CBFB: variants seen among roughly 807,000 people sequenced by gnomAD.
CBFB encodes CBF-beta.
Under a neutral mutation model 30.4 loss-of-function variants are expected in CBFB, and 9 were observed. The observed-to-expected ratio is 0.30, with a 90% CI of 0.18 to 0.52. The LOEUF (loss-of-function observed/expected upper bound fraction) is 0.52, where lower values mean the gene tolerates loss of function less well. CBFB is among the 20% of genes least tolerant of loss of function. The pLI is 0.97. For synonymous variants in CBFB, 94 were observed against 84.0 expected (o/e 1.12, Z -0.65); for missense variants, 170 against 244.0 (o/e 0.70, Z 2.02).
intron 3 of CBFB, among the ~76,000 whole-genome samples, chr16:67,038,910 TAA>T (rs1966488025): frequency 6.6e-6 from 1 of 152,190 alleles, no homozygotes; most frequent in South Asian, 2.1e-4. Flanking sequence ...TACCAGAAAT[TAA>T]GTTTGCTTGA....
intron 5 of CBFB, among the ~76,000 whole-genome samples, chr16:67,087,257 A>G (rs1403647470): frequency 6.6e-6 from 1 of 152,184 alleles, no homozygotes; most frequent in Non-Finnish European, 1.5e-5. Flanking sequence ...CTCTAGATTA[A>G]TTGACTAAGA....
intron 3 of CBFB, among the ~76,000 whole-genome samples, chr16:67,043,831 T>A (rs980921950): frequency 1.3e-5 from 2 of 152,204 alleles, no homozygotes; most frequent in African/African-American, 4.8e-5. Flanking sequence ...GATAGAGTGT[T>A]TGTGCTACAG....
At chr16:67,060,805 T>G (rs1960891017) in intron 3 of CBFB, among the ~76,000 whole-genome samples, 1 of 152,168 alleles carries the variant, frequency 6.6e-6, no homozygotes, top group Non-Finnish European at 1.5e-5. Context: ...TCTGCCCATC[T>G]CGCCTCCCAC....
At chr16:67,071,532 A>G (rs533001514) in intron 4 of CBFB, among the ~76,000 whole-genome samples, 21 of 152,312 alleles carry the variant, frequency 1.4e-4, no homozygotes, top group African/African-American at 4.6e-4. Flanking sequence ...TGGGATTGCT[A>G]GTCTCCAGAA....
At chr16:67,084,847 C>CT (rs1301325039) in intron 5 of CBFB, among the ~76,000 whole-genome samples, 4 of 152,040 alleles carry the variant, frequency 2.6e-5, no homozygotes, top group Non-Finnish European at 4.4e-5. Context: ...GAATCTGGCT[C>CT]TGTCATTTAC....
intron 3 of CBFB, among the ~76,000 whole-genome samples, chr16:67,060,026 G>A (rs1249856938): frequency 6.7e-6 from 1 of 150,022 alleles, no homozygotes; most frequent in African/African-American, 2.5e-5. Flanking sequence ...CCAATCTGGA[G>A]TGCAGTGGCA....
chr16:67,056,566 TG>T lies in CBFB; in HGVS notation c.283-10115del, dbSNP rs1277958060. On this transcript the variant is annotated intron_variant, in intron 3 of 5. Transcript: ENST00000412916. ...GGTTTTCTTTACCCAGTATTTACTA[TG>T]TTTTTTTCCATTAACAGCATAATGT... 7.2e-5 allele frequency among the ~76,000 whole-genome samples: 11 copies of T among 152,328 alleles called. No individual in the cohort carries two copies. In the East Asian group the frequency reaches 2.1e-3, roughly 29 times the overall value.
intron 3 of CBFB, among the ~76,000 whole-genome samples, chr16:67,062,918 A>G (rs189379360): frequency 1.3e-5 from 2 of 152,296 alleles, no homozygotes; most frequent in African/African-American, 4.8e-5. Context: ...TGACTTTGCT[A>G]TTAGAAAAGA....
chr16:67,068,906 G>T (rs1961137591), intron 4 of CBFB, among the ~76,000 whole-genome samples: 1 of 152,118 alleles, frequency 6.6e-6, no homozygotes, highest in Non-Finnish European at 1.5e-5. Flanking sequence ...ATTATTAAAA[G>T]AATCAAATAG....
chr16:67,083,132 T>C lies in CBFB; in HGVS notation c.495+824T>C, dbSNP rs1299218153. 3.9e-5 allele frequency among the ~76,000 whole-genome samples: 6 copies of C among 152,070 alleles called. No individual in the cohort carries two copies. In the East Asian group the frequency reaches 1.2e-3, roughly 29 times the overall value. On this transcript the variant is annotated intron_variant, in intron 5 of 5. Transcript: ENST00000412916. ...AGTTTGAGGTTACAGTGAGCAGTGA[T>C]TGTGCCACTGTATTCCAGCCTGGAT...
intron 5 of CBFB, among the ~76,000 whole-genome samples, chr16:67,082,919 AAAT>A (rs1389493643): frequency 6.6e-6 from 1 of 152,190 alleles, no homozygotes; most frequent in Non-Finnish European, 1.5e-5. Context: ...ATAAATAAAA[AAAT>A]CTATAGCCCA....
chr16:67,069,216 A>G (rs1961148071), intron 4 of CBFB, among the ~76,000 whole-genome samples: 1 of 152,020 alleles, frequency 6.6e-6, no homozygotes. Context: ...CTCCATCTCA[A>G]AAAAAACGCC....
At chr16:67,057,687 AGTTAT>A (rs1030411621) in intron 3 of CBFB, among the ~76,000 whole-genome samples, 1 of 151,974 alleles carries the variant, frequency 6.6e-6, no homozygotes, top group Admixed American at 6.6e-5. Context: ...ATTTTTGGTT[AGTTAT>A]GTTAATTTTG....
intron 5 of CBFB, among the ~76,000 whole-genome samples, chr16:67,096,159 A>T (rs1482672442): frequency 6.6e-6 from 1 of 151,922 alleles, no homozygotes; most frequent in Non-Finnish European, 1.5e-5. Context: ...AAAATATTTT[A>T]AAATTAGCCA....
chr16:67,060,587 G>T (rs116269939), intron 3 of CBFB, among the ~76,000 whole-genome samples: 8,688 of 151,974 alleles, frequency 0.057, 379 homozygotes, highest in African/African-American at 0.11. Context: ...CGGAGATTCA[G>T]TCTAGTTGCC....
intron 4 of CBFB, among the ~76,000 whole-genome samples, chr16:67,072,181 TATA>T (rs1331102088): frequency 6.6e-6 from 1 of 152,214 alleles, no homozygotes; most frequent in Non-Finnish European, 1.5e-5. Context: ...ACTGAAATTA[TATA>T]ATATTTTGAC....
intron 3 of CBFB, among the ~76,000 whole-genome samples, chr16:67,060,530 C>T (rs1266679401): frequency 5.3e-5 from 8 of 151,886 alleles, no homozygotes; most frequent in South Asian, 2.1e-4. Context: ...GCTTTCTGTA[C>T]GTTTCTGGGG....
chr16:67,029,499 G>T lies in CBFB; in HGVS notation c.78+14G>T. The T allele has an allele frequency of 6.3e-7, 1 of 1,581,884 alleles. No individual in the cohort carries two copies. The highest frequency in any genetic ancestry group is 1.4e-5 in the African/African-American group (1 of 72,410). On this transcript the variant is annotated intron_variant, in intron 1 of 5. Coordinates refer to ENST00000412916, the MANE Select transcript of CBFB (RefSeq NM_022845.3). ...CGCGAGTGTGAGGTGAGGCAGGCGG[G>T]CGGGCGGCTAGGAGGCCGCAGCGCG...
In CBFB at chr16:67,029,360, C is replaced by A; in HGVS notation, c.-48C>A. The A allele has an allele frequency of 7.3e-7, 1 of 1,365,050 alleles. No homozygotes were observed. Among genetic ancestry groups the A allele is most frequent in the Non-Finnish European group, 9.6e-7 (1 of 1,039,918 alleles). 84.6% of individuals were successfully genotyped at this position (1,365,050 alleles called of 1,614,324 possible). A position where few individuals can be genotyped will look rare whatever the true frequency, so the allele number is the denominator to read the frequency against. On this transcript the variant is annotated 5_prime_UTR_variant, in exon 1 of 6. Coordinates refer to ENST00000412916, the MANE Select transcript of CBFB (RefSeq NM_022845.3). Reference sequence around the variant, plus strand: ...AGCGCGGAGCCAGCCAGCGGGTGCCCGCGCAAGCCCCGAGCGCGGCCGGCC... The same window carrying A: ...AGCGCGGAGCCAGCCAGCGGGTGCCAGCGCAAGCCCCGAGCGCGGCCGGCC...
Sources: allele counts gnomAD v4.1 joint callset (sites outside exome capture counted in the v4.1 genomes callset), GRCh38; gene constraint gnomAD v4.1.1; transcripts MANE v1.5; gene names NCBI Gene and HGNC (gene_info 2026-07-23, HGNC 2026-07-21).